The following FBXL2 variants were observed in gnomAD, a reference collection of about 807,000 sequenced individuals.
The protein encoded by FBXL2 is F-box/LRR-repeat protein 2.
A neutral mutation model predicts 69.2 loss-of-function variants in FBXL2; 38 were observed. The observed-to-expected ratio is 0.55, with a 90% confidence interval of 0.42 to 0.72. The LOEUF is 0.72. Among genes scored for constraint, FBXL2 ranks in the 30% least tolerant of loss-of-function variants. The pLI is 0.00. For missense variants in FBXL2, 354 were observed against 520.3 expected (o/e 0.68, Z 3.11); for synonymous variants, 192 against 201.3 (o/e 0.95, Z 0.39).
chr3:33,318,625 T>C (rs2037914278), intron 2 of FBXL2, among the ~76,000 whole-genome samples: 1 of 152,192 alleles, frequency 6.6e-6, no homozygotes, highest in African/African-American at 2.4e-5. Flanking sequence ...ATGTCACATA[T>C]TTTAGATTTT....
intron 2 of FBXL2, among the ~76,000 whole-genome samples, chr3:33,334,571 A>C (rs1376495546): frequency 6.6e-6 from 1 of 152,200 alleles, no homozygotes; most frequent in Non-Finnish European, 1.5e-5. Flanking sequence ...GAGGTCTAAC[A>C]TACATATAAT....
the FBXL2 span, among the ~76,000 whole-genome samples, chr3:33,422,068 AAAAG>A: frequency 6.6e-6 from 1 of 152,274 alleles, no homozygotes; most frequent in African/African-American, 2.4e-5. Flanking sequence ...AATAAAATTA[AAAAG>A]AAAAAGAAAA....
chr3:33,392,488 C>T (rs372854340), downstream of FBXL2: 109 of 1,244,382 alleles, frequency 8.8e-5, no homozygotes, highest in Non-Finnish European at 1.1e-4. Flanking sequence ...AGAATAAACA[C>T]GAGAGGCACT....
chr3:33,416,076 A>G, the FBXL2 span: 7 of 152,236 alleles, frequency 4.6e-5, no homozygotes, highest in African/African-American at 1.7e-4. Flanking sequence ...AGGGCCCAGC[A>G]GCACCTGGGC....
chr3:33,413,053 A>C, the FBXL2 span, among the ~76,000 whole-genome samples: 1 of 152,218 alleles, frequency 6.6e-6, no homozygotes, highest in Non-Finnish European at 1.5e-5. Context: ...ATAAAATGGT[A>C]ACTTAGGTAT....
chr3:33,313,891 T>C (rs2125771675), intron 2 of FBXL2, among the ~76,000 whole-genome samples: 1 of 152,330 alleles, frequency 6.6e-6, no homozygotes, highest in African/African-American at 2.4e-5. Context: ...ACATTGATAA[T>C]AGTTTGTGCC....
chr3:33,404,087 C>T (rs1246106857), downstream of FBXL2, among the ~76,000 whole-genome samples: 1 of 152,096 alleles, frequency 6.6e-6, no homozygotes, highest in African/African-American at 2.4e-5. Context: ...ACAGTGAGAC[C>T]CTGTTTCTAC....
chr3:33,338,860 G>C (rs1042820864), intron 2 of FBXL2, among the ~76,000 whole-genome samples: 5 of 152,064 alleles, frequency 3.3e-5, no homozygotes, highest in African/African-American at 1.2e-4. Flanking sequence ...CTGGACATAG[G>C]CCCTGGCAAA....
intron 1 of FBXL2, among the ~76,000 whole-genome samples, chr3:33,279,206 G>T (rs1415889817): frequency 6.6e-6 from 1 of 151,996 alleles, no homozygotes; most frequent in East Asian, 1.9e-4. Context: ...TGGAAGTGGG[G>T]AATGGTTGGT....
chr3:33,400,223 G>T lies in FBXL2; in HGVS notation n.1215-3011G>T, dbSNP rs904275370. On this transcript the variant is annotated intron_variant and non_coding_transcript_variant, in intron 12 of 12. Coordinates refer to the FBXL2 transcript ENST00000463736. ...TAGAGAACAGTCTTGTGTAGGAAGAGAATCTGTTTTTGAGCAGCCATTGCT... is the reference window on the plus strand; with the variant it reads ...TAGAGAACAGTCTTGTGTAGGAAGATAATCTGTTTTTGAGCAGCCATTGCT... The T allele has an allele frequency of 3.1e-6, 5 of 1,603,500 alleles. No homozygotes were observed. In the African/African-American group the frequency reaches 5.4e-5, roughly 17 times the overall value.
At chr3:33,313,420 C>A (rs1288356554) in intron 2 of FBXL2, among the ~76,000 whole-genome samples, 2 of 151,986 alleles carry the variant, frequency 1.3e-5, no homozygotes, top group African/African-American at 4.8e-5. Flanking sequence ...AAACAAACAT[C>A]AGATTCTACA....
intron 1 of FBXL2, chr3:33,289,829 C>T: frequency 1.0e-6 from 1 of 978,322 alleles, no homozygotes; most frequent in Non-Finnish European, 1.2e-6. Flanking sequence ...GGGGGCAGGG[C>T]AGGAGAGTTA....
the FBXL2 span, chr3:33,411,821 A>G: frequency 1.6e-5 from 11 of 682,408 alleles, no homozygotes; most frequent in Admixed American, 2.1e-4. Flanking sequence ...TCCATGATCA[A>G]CTTCTTCAAC....
intron 2 of FBXL2, among the ~76,000 whole-genome samples, chr3:33,316,878 A>G (rs2037745353): frequency 2.1e-5 from 3 of 146,188 alleles, no homozygotes; most frequent in African/African-American, 7.3e-5. Flanking sequence ...CAGTCAGTGT[A>G]TAGAATTTTC....
chr3:33,305,143 C>T (rs1411425672), intron 2 of FBXL2, among the ~76,000 whole-genome samples: 5 of 151,798 alleles, frequency 3.3e-5, no homozygotes, highest in Non-Finnish European at 7.4e-5. Context: ...ATGTATCAAT[C>T]TTTTCTTTTA....
chr3:33,304,620 G>A (rs1021262301), intron 2 of FBXL2, among the ~76,000 whole-genome samples: 3 of 151,920 alleles, frequency 2.0e-5, no homozygotes, highest in Admixed American at 6.6e-5. Flanking sequence ...GGACATCCTC[G>A]TAGATGTCTC....
intron 2 of FBXL2, among the ~76,000 whole-genome samples, chr3:33,337,315 C>T (rs1014555887): frequency 6.6e-6 from 1 of 152,070 alleles, no homozygotes; most frequent in Non-Finnish European, 1.5e-5. Context: ...ACAAATCTAT[C>T]AGAAAAAGAA....
intron 2 of FBXL2, among the ~76,000 whole-genome samples, chr3:33,318,949 G>T (rs2037954845): frequency 6.6e-6 from 1 of 152,158 alleles, no homozygotes. Context: ...ATGTAGTATA[G>T]GTGTGTTTCC....
intron 13 of FBXL2, chr3:33,383,490 A>C: frequency 5.7e-6 from 1 of 174,914 alleles, no homozygotes. Context: ...ATTTGATTAT[A>C]ACCTTCAAAG....
Sources: gnomAD v4.1 joint callset for allele counts (sites outside exome capture counted in the v4.1 genomes callset) on GRCh38, gnomAD v4.1.1 for gene constraint, MANE v1.5 for transcripts, NCBI Gene and HGNC (gene_info 2026-07-23, HGNC 2026-07-21) for gene names.